The following C1QL3 variants were observed in gnomAD, a reference collection of about 807,000 sequenced individuals.
The protein encoded by C1QL3 is complement C1q-like protein 3.
A neutral mutation model predicts 16.6 loss-of-function variants in C1QL3; 4 were observed. That is an observed-to-expected ratio of 0.24 (90% CI 0.12 to 0.55). The LOEUF (loss-of-function observed/expected upper bound fraction) is 0.55, where lower values mean the gene tolerates loss of function less well. Among genes scored for constraint, C1QL3 ranks in the 20% least tolerant of loss-of-function variants. The pLI is 0.94. For missense variants in C1QL3, 269 were observed against 365.6 expected (o/e 0.74, Z 2.16); for synonymous variants, 189 against 160.2 (o/e 1.18, Z -1.36).
At position 16,521,178 on chromosome 10, in the gene C1QL3, G is replaced by C; in HGVS notation, c.-113C>G. On this transcript the variant is annotated 5_prime_UTR_variant, in exon 1 of 2. Transcript: ENST00000298943. ...GGACAGAATTTTGAAGGTTGGGCGG[G>C]GACCTCTTCAGAGCCGAAAACAACC... The C allele has an allele frequency of 9.5e-7, 1 of 1,049,994 alleles. No homozygotes were observed. Among genetic ancestry groups the C allele is most frequent in the Non-Finnish European group, 1.4e-6 (1 of 727,750 alleles). 65.0% of individuals were successfully genotyped at this position (1,049,994 alleles called of 1,614,324 possible). A position where few individuals can be genotyped will look rare whatever the true frequency, so the allele number is the denominator to read the frequency against.
intron 1 of C1QL3, among the ~76,000 whole-genome samples, chr10:16,516,006 A>G (rs1374845923): frequency 6.6e-6 from 1 of 152,116 alleles, no homozygotes; most frequent in Admixed American, 6.5e-5. Flanking sequence ...TTCCAATTAA[A>G]TTTTCTTGTG....
Position 16,520,754 on chromosome 10 carries a change from C to T in C1QL3, c.312G>A (p.Pro104=), listed in dbSNP as rs1348814730. Residue 104 remains proline, a synonymous_variant, in exon 1 of 2, where the codon CCG becomes CCA. Transcript: ENST00000298943. This position sits in a 1 kb window ranked among gnomAD's most constrained non-coding sequence, Gnocchi z 8.3. ...GEPGRQGLPG[P]PGAPGLNAAG... is the part of the protein sequence containing the mutation. The stretch of plus-strand genomic sequence containing the variant: ...CCGCGTTCAGGCCGGGCGCCCCGGG[C>T]GGGCCCGGCAGGCCTTGGCGGCCCG... The T allele has an allele frequency of 7.2e-7, 1 of 1,394,232 alleles. No homozygotes were observed. The highest frequency in any genetic ancestry group is 9.3e-7 in the Non-Finnish European group (1 of 1,071,508). The allele number at this position is 1,394,232 out of a possible 1,614,324, so 86.4% of individuals were successfully genotyped here.
chr10:16,518,446 A>G (rs886066979), intron 1 of C1QL3, among the ~76,000 whole-genome samples: 4 of 152,164 alleles, frequency 2.6e-5, no homozygotes, highest in African/African-American at 7.2e-5. Flanking sequence ...TTACCTTACT[A>G]TTTTTCCTGA....
rs1237377189 is a variant in C1QL3 at position 16,520,254 on chromosome 10, C to A, written c.588+224G>T. ...CAGGGGCGCGCACCGATCGAGGGTCCCAGACTCCGGAACTGCCCTCTCCAG... is the reference window on the plus strand; with the variant it reads ...CAGGGGCGCGCACCGATCGAGGGTCACAGACTCCGGAACTGCCCTCTCCAG... On this transcript the variant is annotated intron_variant, in intron 1 of 1. Transcript: ENST00000298943. The surrounding 1 kb of genome is among the most constrained non-coding windows in gnomAD (Gnocchi z 8.3). 6.6e-6 allele frequency among the ~76,000 whole-genome samples: 1 copy of A among 152,106 alleles called. No homozygotes were observed. The highest frequency in any genetic ancestry group is 2.4e-5 in the African/African-American group (1 of 41,448).
rs1361633249 is a variant in C1QL3 at position 16,514,164 on chromosome 10, CAT to C, written c.*362_*363del. 3 of 398,798 alleles carry C rather than the reference CAT, an allele frequency of 7.5e-6. No homozygotes were observed. The highest frequency in any genetic ancestry group is 1.3e-5 in the Non-Finnish European group (3 of 226,406). The allele number at this position is 398,798 out of a possible 1,614,324, so 24.7% of individuals were successfully genotyped here. A position where few individuals can be genotyped will look rare whatever the true frequency, so the allele number is the denominator to read the frequency against. On this transcript the variant is annotated 3_prime_UTR_variant, in exon 2 of 2. Coordinates refer to ENST00000298943, the MANE Select transcript of C1QL3 (RefSeq NM_001010908.2). ...GTAAACTCACAAGAACCAAAGCTGA[CAT>C]ATGGATAAAAGCAGCAAGATCACAG...
intron 1 of C1QL3, among the ~76,000 whole-genome samples, chr10:16,516,199 A>G (rs1688330235): frequency 6.6e-6 from 1 of 152,168 alleles, no homozygotes; most frequent in South Asian, 2.1e-4. Context: ...AATATAATGA[A>G]AGCAATATAC....
At position 16,520,869 on chromosome 10, in the gene C1QL3, G is replaced by A; in HGVS notation, c.197C>T (p.Ala66Val). The stretch of plus-strand genomic sequence containing the variant: ...CGGACCCGCCTTCCCGGGCCTGCCG[G>A]CCTCGCCTTTGGGGCCCTGGATGAA... ...PTFIQGPKGE[A>V]GRPGKAGPRG... Residue 66 changes from alanine (A) to valine (V), a missense_variant, in exon 1 of 2, where the codon GCC becomes GTC. This residue lies in a region of C1QL3 where 246 missense variants were observed against 297.2 expected (regional missense o/e 0.83). Coordinates refer to ENST00000298943, the MANE Select transcript of C1QL3 (RefSeq NM_001010908.2). This position sits in a 1 kb window ranked among gnomAD's most constrained non-coding sequence, Gnocchi z 8.3. 1.4e-6 allele frequency: 2 copies of A among 1,473,922 alleles called. No individual in the cohort carries two copies. Among genetic ancestry groups the A allele is most frequent in the African/African-American group, 1.5e-5 (1 of 68,744 alleles). 91.3% of individuals were successfully genotyped at this position (1,473,922 alleles called of 1,614,324 possible). A position where few individuals can be genotyped will look rare whatever the true frequency, so the allele number is the denominator to read the frequency against.
At position 16,514,275 on chromosome 10, in the gene C1QL3, A is replaced by G. The variant is rs1207940378; in HGVS notation, c.*253T>C. On this transcript the variant is annotated 3_prime_UTR_variant, in exon 2 of 2. Coordinates refer to ENST00000298943, the MANE Select transcript of C1QL3 (RefSeq NM_001010908.2). ...AAATTTGTGATCTATATAGGACTTC[A>G]TTCACATGGACACTAACGATAAGGA... 1 of 547,996 alleles carries G rather than the reference A, an allele frequency of 1.8e-6. No homozygotes were observed. Among genetic ancestry groups the G allele is most frequent in the Non-Finnish European group, 3.2e-6 (1 of 312,078 alleles). 33.9% of individuals were successfully genotyped at this position (547,996 alleles called of 1,614,324 possible). A position where few individuals can be genotyped will look rare whatever the true frequency, so the allele number is the denominator to read the frequency against.
intron 1 of C1QL3, among the ~76,000 whole-genome samples, chr10:16,517,537 G>T (rs1836970322): frequency 6.6e-6 from 1 of 152,122 alleles, no homozygotes. Flanking sequence ...CTGCTAAAAG[G>T]ATTATCAACA....
rs1837016049 is a variant in C1QL3 at position 16,520,068 on chromosome 10, G to A, written c.588+410C>T. Among the ~76,000 whole-genome samples, 1 of 151,888 alleles carries A rather than the reference G, an allele frequency of 6.6e-6. No individual in the cohort carries two copies. The highest frequency in any genetic ancestry group is 2.1e-4 in the South Asian group (1 of 4,800). ...TCGGTCACCCTGCCACGCCCATTCCGGACTCCCCCAGGCCTCTCCACTCCC... is the reference window on the plus strand; with the variant it reads ...TCGGTCACCCTGCCACGCCCATTCCAGACTCCCCCAGGCCTCTCCACTCCC... On this transcript the variant is annotated intron_variant, in intron 1 of 1. Coordinates refer to ENST00000298943, the MANE Select transcript of C1QL3 (RefSeq NM_001010908.2). This position sits in a 1 kb window ranked among gnomAD's most constrained non-coding sequence, Gnocchi z 8.3.
At chr10:16,519,139 A>ATTTTTTTTTTTTTTTTTT (rs1385047282) in intron 1 of C1QL3, among the ~76,000 whole-genome samples, 27 of 26,100 alleles carry the variant, frequency 1.0e-3, no homozygotes, top group Non-Finnish European at 1.3e-3. Context: ...CGCATTTAGG[A>ATTTTTTTTTTTTTTTTTT]CTTTTTTTTT....
Position 16,521,242 on chromosome 10 carries a change from G to C in C1QL3, c.-177C>G, listed in dbSNP as rs960066233. The stretch of plus-strand genomic sequence containing the variant: ...AACTCCCCTGGGCGTGCGTGCGCCG[G>C]CCGCTGCTGCCGACTCCTGCTCCCC... On this transcript the variant is annotated 5_prime_UTR_variant, in exon 1 of 2. Transcript: ENST00000298943. 2 of 576,680 alleles carry C rather than the reference G, an allele frequency of 3.5e-6. No individual in the cohort carries two copies. The highest frequency in any genetic ancestry group is 4.0e-5 in the African/African-American group (2 of 50,026). The allele number at this position is 576,680 out of a possible 1,614,324, so 35.7% of individuals were successfully genotyped here.
intron 1 of C1QL3, among the ~76,000 whole-genome samples, chr10:16,519,840 C>T (rs1433948298): frequency 6.6e-6 from 1 of 152,208 alleles, no homozygotes. Flanking sequence ...CCTTGCCTCT[C>T]CCCTCCGCTA....
chr10:16,520,441 T>TGCC lies in C1QL3; in HGVS notation c.588+36_588+37insGGC. ...CCCTCTCGCCCGCACCTTCCCGCGC[T>TGCC]CCCTCCCCGCCCTCCCCGCCGCCCG... On this transcript the variant is annotated intron_variant, in intron 1 of 1. Coordinates refer to ENST00000298943, the MANE Select transcript of C1QL3 (RefSeq NM_001010908.2). This position sits in a 1 kb window ranked among gnomAD's most constrained non-coding sequence, Gnocchi z 8.3. 3 of 1,227,532 alleles carry TGCC rather than the reference T, an allele frequency of 2.4e-6. No homozygotes were observed. Among genetic ancestry groups the TGCC allele is most frequent in the Non-Finnish European group, 2.3e-6 (2 of 881,044 alleles). The allele number at this position is 1,227,532 out of a possible 1,614,324, so 76.0% of individuals were successfully genotyped here. A position where few individuals can be genotyped will look rare whatever the true frequency, so the allele number is the denominator to read the frequency against.
At position 16,514,443 on chromosome 10, in the gene C1QL3, C is replaced by G; in HGVS notation, c.*85G>C. On this transcript the variant is annotated 3_prime_UTR_variant, in exon 2 of 2. Coordinates refer to ENST00000298943, the MANE Select transcript of C1QL3 (RefSeq NM_001010908.2). ...CACAACTGAGGTGCCCTGCCATTGG[C>G]ATCCCCTGGGATCCTTGATTCACTG... 8.5e-7 allele frequency: 1 copy of G among 1,172,574 alleles called. No individual in the cohort carries two copies. The allele number at this position is 1,172,574 out of a possible 1,614,324, so 72.6% of individuals were successfully genotyped here. A position where few individuals can be genotyped will look rare whatever the true frequency, so the allele number is the denominator to read the frequency against.
rs1211881182 is a variant in C1QL3, at chr10:16,520,765, G to A, written c.301C>T (p.Leu101=). ...CCGGGCGCCCCGGGCGGGCCCGGCAGGCCTTGGCGGCCCGGCTCGCCCTTC... is the reference window on the plus strand; with the variant it reads ...CCGGGCGCCCCGGGCGGGCCCGGCAAGCCTTGGCGGCCCGGCTCGCCCTTC... ...GEKGEPGRQG[L]PGPPGAPGLN... The change falls in exon 1 of 2, where the codon CTG becomes TTG. Residue 101 remains leucine, a synonymous_variant. Transcript: ENST00000298943. The surrounding 1 kb of genome is among the most constrained non-coding windows in gnomAD (Gnocchi z 8.3). 2.3e-6 allele frequency: 3 copies of A among 1,315,176 alleles called. No homozygotes were observed. The Admixed American group carries it at 1.2e-4, about 54-fold the overall frequency. The allele number at this position is 1,315,176 out of a possible 1,614,324, so 81.5% of individuals were successfully genotyped here. A position where few individuals can be genotyped will look rare whatever the true frequency, so the allele number is the denominator to read the frequency against.
chr10:16,516,467 A>G (rs1000060872), intron 1 of C1QL3, among the ~76,000 whole-genome samples: 2 of 152,164 alleles, frequency 1.3e-5, no homozygotes, highest in African/African-American at 4.8e-5. Context: ...GGTGAAAAAA[A>G]TTAAAAACAA....
At chr10:16,517,968 G>A (rs2133539828) in intron 1 of C1QL3, among the ~76,000 whole-genome samples, 1 of 151,746 alleles carries the variant, frequency 6.6e-6, no homozygotes, top group Admixed American at 6.5e-5. Flanking sequence ...TTACAGTCCA[G>A]AAGCATTTCT....
Position 16,521,300 on chromosome 10 carries a change from G to C in C1QL3, c.-235C>G. The C allele has an allele frequency of 2.1e-6, 1 of 480,310 alleles. No homozygotes were observed. The allele number at this position is 480,310 out of a possible 1,614,324, so 29.8% of individuals were successfully genotyped here. A position where few individuals can be genotyped will look rare whatever the true frequency, so the allele number is the denominator to read the frequency against. On this transcript the variant is annotated 5_prime_UTR_variant, in exon 1 of 2. Coordinates refer to ENST00000298943, the MANE Select transcript of C1QL3 (RefSeq NM_001010908.2). Reference sequence around the variant, plus strand: ...GGCTGCGGCTGGGGAGGGAGCGCGGGCGCCCAGTGACTTGAGCCGAAGTCC... The same window carrying C: ...GGCTGCGGCTGGGGAGGGAGCGCGGCCGCCCAGTGACTTGAGCCGAAGTCC...
Sources: allele counts gnomAD v4.1 joint callset (sites outside exome capture counted in the v4.1 genomes callset), GRCh38; gene constraint gnomAD v4.1.1; regional missense constraint gnomAD v4.1.1; non-coding constraint Gnocchi (gnomAD v3.1); transcripts MANE v1.5; gene names NCBI Gene and HGNC (gene_info 2026-07-23, HGNC 2026-07-21).